Variants in FBRSL1 observed in about 807,000 individuals in gnomAD.
FBRSL1 encodes the protein fibrosin like 1, also known as fibrosin-1-like protein.
In FBRSL1, 51 loss-of-function variants were observed where a neutral mutation model predicts 89.6. The ratio of observed to expected loss-of-function variants is 0.57; its 90% CI spans 0.45 to 0.72. FBRSL1 has a LOEUF of 0.72. Ranked by LOEUF, FBRSL1 falls within the 30% of genes least tolerant of loss-of-function variation. The pLI is 0.00. For synonymous variants in FBRSL1, 779 were observed against 681.1 expected, an observed-to-expected ratio of 1.14 and a Z score of -2.24; for missense variants, 1,618 against 1,451.8, an observed-to-expected ratio of 1.11 and a Z score of -1.86.
In FBRSL1 at chr12:132,579,374, G is replaced by A. The variant is rs370617987; in HGVS notation, c.1835-2065G>A. On this transcript the variant is annotated intron_variant, in intron 15 of 18. Transcript: ENST00000680143. ...GTGTATCTCATTTATTTAGGTATTA[G>A]TAGAATTACTCATAGATGCTTTATA... Among the ~76,000 whole-genome samples the A allele has an allele frequency of 1.5e-4, 23 of 152,264 alleles. No homozygotes were observed. In the East Asian group the frequency reaches 3.9e-3, roughly 26 times the overall value.
chr12:132,517,970 G>T (rs923507040), intron 2 of FBRSL1, among the ~76,000 whole-genome samples: 8 of 152,106 alleles, frequency 5.3e-5, no homozygotes, highest in Non-Finnish European at 8.8e-5. Flanking sequence ...GGCGGCAAAT[G>T]TGGTGGAGCC....
At position 132,573,075 on chromosome 12, in the gene FBRSL1, A is replaced by G. The variant is rs369164729; in HGVS notation, c.1530+453A>G. On this transcript the variant is annotated intron_variant, in intron 11 of 18. Transcript: ENST00000680143. The stretch of plus-strand genomic sequence containing the variant: ...GTCCACACCCGCAGGGGACCTGGGT[A>G]GCAGGAGGTTGTGTGCCATCTCAGC... 2.9e-3 allele frequency among the ~76,000 whole-genome samples: 441 copies of G among 152,260 alleles called. 1 individual carries two copies. The highest frequency in any genetic ancestry group is 9.9e-3 in the African/African-American group (411 of 41,548).
At chr12:132,507,673 C>T (rs888228322) in intron 1 of FBRSL1, among the ~76,000 whole-genome samples, 1 of 152,140 alleles carries the variant, frequency 6.6e-6, no homozygotes, top group Non-Finnish European at 1.5e-5. Flanking sequence ...ACCCCTCAGG[C>T]CCTCTGGAAT....
At chr12:132,578,465 G>A (rs2040529306) in intron 15 of FBRSL1, among the ~76,000 whole-genome samples, 1 of 152,144 alleles carries the variant, frequency 6.6e-6, no homozygotes, top group Non-Finnish European at 1.5e-5. Flanking sequence ...TGAGGAGGAG[G>A]AGGGGCCGGT....
At chr12:132,495,214 G>T (rs2031800610) in intron 1 of FBRSL1, among the ~76,000 whole-genome samples, 1 of 152,252 alleles carries the variant, frequency 6.6e-6, no homozygotes, top group Non-Finnish European at 1.5e-5. Flanking sequence ...CCCCTAGTGG[G>T]CCTGGTGGGC....
intron 1 of FBRSL1, among the ~76,000 whole-genome samples, chr12:132,492,860 T>A (rs1307694589): frequency 6.6e-6 from 1 of 152,264 alleles, no homozygotes; most frequent in Non-Finnish European, 1.5e-5. Flanking sequence ...AACCTCGTGA[T>A]CATCCCATAC....
intron 4 of FBRSL1, among the ~76,000 whole-genome samples, chr12:132,545,568 G>T (rs1027364467): frequency 6.6e-6 from 1 of 152,226 alleles, no homozygotes; most frequent in African/African-American, 2.4e-5. Flanking sequence ...CGCCTGTGTG[G>T]TCAGCCTGGC....
chr12:132,573,030 G>A (rs2040146444), intron 11 of FBRSL1, among the ~76,000 whole-genome samples: 1 of 152,188 alleles, frequency 6.6e-6, no homozygotes, highest in Non-Finnish European at 1.5e-5. Flanking sequence ...CACCGTGGGG[G>A]ACCCGGGCCT....
rs923083941 is a variant in FBRSL1 at position 132,522,860 on chromosome 12, G to C, written c.490-2874G>C. ...CCCGGCCTGCGCTGCCTTTCCCCCCGCACCTGCCGCCTGGCAGACGGAGCC... is the reference window on the plus strand; with the variant it reads ...CCCGGCCTGCGCTGCCTTTCCCCCCCCACCTGCCGCCTGGCAGACGGAGCC... On this transcript the variant is annotated intron_variant, in intron 2 of 18. Transcript: ENST00000680143. Among the ~76,000 whole-genome samples, 4 of 152,008 alleles carry C rather than the reference G, an allele frequency of 2.6e-5. No individual in the cohort carries two copies. In the South Asian group the frequency reaches 8.3e-4, roughly 32 times the overall value.
chr12:132,539,374 C>T (rs984086639), intron 4 of FBRSL1, among the ~76,000 whole-genome samples: 1 of 148,862 alleles, frequency 6.7e-6, no homozygotes, highest in African/African-American at 2.5e-5. Flanking sequence ...GCCCTCCAGC[C>T]CCATGTCCAC....
intron 2 of FBRSL1, chr12:132,510,055 C>T: frequency 8.1e-7 from 1 of 1,231,352 alleles, no homozygotes. Context: ...CTCACGCCTT[C>T]ACTCCTGGGC....
rs149456323 is a variant in FBRSL1 at position 132,501,102 on chromosome 12, C to T, written c.292-7051C>T. ...ACCCTGATGTGGACCGGGCCCCTGA[C>T]GTGGACTGGACTGGGTGGGGGCTAC... On this transcript the variant is annotated intron_variant, in intron 1 of 18. Coordinates refer to ENST00000680143, the MANE Select transcript of FBRSL1 (RefSeq NM_001367871.1). Among the ~76,000 whole-genome samples the T allele has an allele frequency of 3.5e-3, 535 of 152,312 alleles. 1 individual carries two copies. The highest frequency in any genetic ancestry group is 0.011 in the African/African-American group (462 of 41,566).
chr12:132,578,746 G>C (rs1270604209), intron 15 of FBRSL1, among the ~76,000 whole-genome samples: 2 of 151,368 alleles, frequency 1.3e-5, no homozygotes, highest in Non-Finnish European at 2.9e-5. Context: ...TCCCCTCACC[G>C]TGTTTGGTCT....
intron 2 of FBRSL1, among the ~76,000 whole-genome samples, chr12:132,514,673 G>A (rs554476666): frequency 2.6e-5 from 4 of 152,184 alleles, no homozygotes; most frequent in African/African-American, 9.6e-5. Context: ...TCCTAGGGCC[G>A]GTACACGACC....
At chr12:132,544,071 G>C (rs2037483662) in intron 4 of FBRSL1, among the ~76,000 whole-genome samples, 2 of 152,204 alleles carry the variant, frequency 1.3e-5, no homozygotes. Flanking sequence ...CAGTGGTTCA[G>C]GGGCAGAGCC....
At chr12:132,573,946 G>A (rs967591651) in intron 11 of FBRSL1, 144 bp from the exon 12 acceptor site, 3 of 252,276 alleles carry the variant, frequency 1.2e-5, no homozygotes, top group South Asian at 2.8e-4. Flanking sequence ...TGCGAGGGAG[G>A]GCAGGCTGTC....
At chr12:132,532,834 C>G (rs926414342) in intron 4 of FBRSL1, among the ~76,000 whole-genome samples, 1 of 152,194 alleles carries the variant, frequency 6.6e-6, no homozygotes, top group Non-Finnish European at 1.5e-5. Flanking sequence ...TGGGGGCATG[C>G]CTGGGACAGG....
chr12:132,543,896 C>T (rs886419839), intron 4 of FBRSL1, among the ~76,000 whole-genome samples: 6 of 152,196 alleles, frequency 3.9e-5, no homozygotes, highest in Non-Finnish European at 7.4e-5. Context: ...TTCCCAGGGC[C>T]TGGGGGAGCT....
intron 1 of FBRSL1, among the ~76,000 whole-genome samples, chr12:132,493,924 G>A (rs930870970): frequency 2.0e-5 from 3 of 152,188 alleles, no homozygotes; most frequent in Non-Finnish European, 4.4e-5. Context: ...GGGTGTGCCT[G>A]CAGCCCTGGA....
Sources: allele counts gnomAD v4.1 joint callset (sites outside exome capture counted in the v4.1 genomes callset), GRCh38; gene constraint gnomAD v4.1.1; transcripts MANE v1.5; gene names NCBI Gene and HGNC (gene_info 2026-07-23, HGNC 2026-07-21).